FDFT1: variants seen among roughly 807,000 people sequenced by gnomAD.
The protein encoded by FDFT1 is farnesyl-diphosphate farnesyltransferase 1, also known as squalene synthase.
FDFT1 carries 68 observed loss-of-function variants against 46.8 expected under a neutral mutation model. The ratio of observed to expected loss-of-function variants is 1.45; its 90% confidence interval spans 1.19 to 1.78. FDFT1 has a LOEUF of 1.78. FDFT1 is among the 40% of genes most tolerant of loss of function. The probability of loss-of-function intolerance (pLI) is 0.00; values close to 1 mark genes in which losing one functional copy is unlikely to be tolerated. For missense variants in FDFT1, 928 were observed against 524.4 expected, an observed-to-expected ratio of 1.77 and a Z score of -7.52; for synonymous variants, 351 against 185.1, an observed-to-expected ratio of 1.90 and a Z score of -7.28.
chr8:11,835,286 A>C (rs538913822), intron 7 of FDFT1, among the ~76,000 whole-genome samples: 3 of 152,194 alleles, frequency 2.0e-5, no homozygotes, highest in Admixed American at 2.0e-4. Flanking sequence ...GCCTTCAGGT[A>C]AATGGAGAGT....
chr8:11,830,806 A>C (rs1211092577), intron 6 of FDFT1, among the ~76,000 whole-genome samples: 1 of 152,220 alleles, frequency 6.6e-6, no homozygotes, highest in Non-Finnish European at 1.5e-5. Flanking sequence ...TCCTTTTCCT[A>C]GACCCGGCAT....
chr8:11,818,339 T>A (rs530351399), intron 3 of FDFT1, among the ~76,000 whole-genome samples: 104 of 152,338 alleles, frequency 6.8e-4, no homozygotes, highest in African/African-American at 2.5e-3. Context: ...TATATTCTGT[T>A]GATTTGGGGT....
intron 2 of FDFT1, chr8:11,809,183 C>G: frequency 8.0e-7 from 1 of 1,247,126 alleles, no homozygotes. Context: ...TCGTGTATTT[C>G]TCGGCTTCCC....
Position 11,809,339 on chromosome 8 carries a change from C to A in FDFT1, c.198-328C>A, listed in dbSNP as rs764843805. ...AGAAGTTACTGTGTTTTTTGACTTT[C>A]TTTTCTATTTGCTACATATTAGTTC... is the stretch of plus-strand genomic sequence containing the variant. On this transcript the variant is annotated intron_variant, in intron 2 of 7. Coordinates refer to ENST00000220584, the MANE Select transcript of FDFT1 (RefSeq NM_004462.5). The A allele has an allele frequency of 1.8e-5, 20 of 1,099,126 alleles. No homozygotes were observed. In the African/African-American group the frequency reaches 2.3e-4, roughly 13 times the overall value. The allele number at this position is 1,099,126 out of a possible 1,614,324, so 68.1% of individuals were successfully genotyped here.
At position 11,815,114 on chromosome 8, in the gene FDFT1, T is replaced by C. The variant is rs145481194; in HGVS notation, c.381+5264T>C. 5.4e-3 allele frequency among the ~76,000 whole-genome samples: 816 copies of C among 152,170 alleles called. 5 individuals are homozygous for C. The highest frequency in any genetic ancestry group is 9.5e-3 in the South Asian group (46 of 4,818). On this transcript the variant is annotated intron_variant, in intron 3 of 7. Coordinates refer to ENST00000220584, the MANE Select transcript of FDFT1 (RefSeq NM_004462.5). Reference sequence around the variant, plus strand: ...ACTCCCACTTAGGAGTGAGAACATGTAGTGTTTGGTTTTCTGTCGTTGTGA... The same window carrying C: ...ACTCCCACTTAGGAGTGAGAACATGCAGTGTTTGGTTTTCTGTCGTTGTGA...
chr8:11,821,935 C>T (rs546761457), intron 4 of FDFT1, 57 bp downstream of exon 4: 10 of 1,582,292 alleles, frequency 6.3e-6, no homozygotes, highest in South Asian at 3.3e-5. Context: ...TGGCAGTCCT[C>T]ATAGTGAAGC....
At chr8:11,832,507 T>C (rs1654908703) in intron 7 of FDFT1, among the ~76,000 whole-genome samples, 1 of 134,424 alleles carries the variant, frequency 7.4e-6, no homozygotes, top group African/African-American at 2.7e-5. Context: ...CTGTGTGATT[T>C]CATCATTGCA....
At chr8:11,827,562 G>C (rs779623851) in intron 5 of FDFT1, among the ~76,000 whole-genome samples, 8 of 150,896 alleles carry the variant, frequency 5.3e-5, no homozygotes, top group Non-Finnish European at 1.2e-4. Context: ...GCAATTCATA[G>C]AGCAGATACA....
chr8:11,804,098 G>GT (rs1332126248), intron 1 of FDFT1, among the ~76,000 whole-genome samples: 1 of 152,252 alleles, frequency 6.6e-6, no homozygotes, highest in East Asian at 1.9e-4. Context: ...AGGTACAACA[G>GT]TGAACAAGCT....
At chr8:11,824,522 G>T (rs931605529) in intron 4 of FDFT1, among the ~76,000 whole-genome samples, 1 of 151,984 alleles carries the variant, frequency 6.6e-6, no homozygotes, top group African/African-American at 2.4e-5. Flanking sequence ...AACCTTCCTG[G>T]GTTCAAGCGA....
intron 3 of FDFT1, among the ~76,000 whole-genome samples, chr8:11,819,949 C>G (rs2409832): frequency 6.6e-6 from 1 of 151,890 alleles, no homozygotes; most frequent in African/African-American, 2.4e-5. Context: ...AATTTTCAGC[C>G]TTTCTGCTGT....
chr8:11,795,831 C>T (rs926392947), exon 1 of FDFT1: 2 of 152,684 alleles, frequency 1.3e-5, no homozygotes, highest in African/African-American at 2.4e-5. Context: ...GCCAGCGAGA[C>T]CACGAACCCA....
chr8:11,808,975 G>T (rs752703645), intron 2 of FDFT1, 84 bp downstream of exon 2: 10 of 1,543,970 alleles, frequency 6.5e-6, no homozygotes, highest in Non-Finnish European at 8.8e-6. Flanking sequence ...TTTTGATATA[G>T]CGCTCAGCGT....
intron 3 of FDFT1, among the ~76,000 whole-genome samples, chr8:11,810,400 C>G (rs1383916267): frequency 1.3e-5 from 2 of 152,318 alleles, no homozygotes; most frequent in East Asian, 3.9e-4. Context: ...GGGGCGGTGT[C>G]TGTTGGCAGC....
intron 1 of FDFT1, among the ~76,000 whole-genome samples, chr8:11,806,745 ATTCTGT>A (rs1806894330): frequency 6.6e-6 from 1 of 152,092 alleles, no homozygotes; most frequent in African/African-American, 2.4e-5. Flanking sequence ...CAGAGCGGGT[ATTCTGT>A]TTCTTTCACT....
At chr8:11,828,419 C>T (rs1810309168) in intron 5 of FDFT1, among the ~76,000 whole-genome samples, 1 of 152,236 alleles carries the variant, frequency 6.6e-6, no homozygotes, top group Admixed American at 6.5e-5. Context: ...CCCTCTTTTG[C>T]AGACACAGGG....
intron 1 of FDFT1, 157 bp downstream of exon 1, chr8:11,803,088 T>C (rs1382970699): frequency 6.9e-6 from 10 of 1,439,304 alleles, no homozygotes; most frequent in African/African-American, 1.4e-5. Flanking sequence ...CTTCCCCCTG[T>C]AGGGCCCGGG....
At chr8:11,800,293 G>A (rs68030963), upstream of FDFT1, among the ~76,000 whole-genome samples, 9,457 of 104,690 alleles carry the variant, frequency 0.09, 427 homozygotes, top group Middle Eastern at 0.14. Flanking sequence ...AAAAAAAAAA[G>A]GCGCTTGAAC....
At position 11,802,771 on chromosome 8, in the gene FDFT1, G is replaced by A. The variant is rs1394172841; in HGVS notation, c.-62G>A. The A allele has an allele frequency of 1.3e-5, 17 of 1,351,530 alleles. 1 individual carries two copies. Among genetic ancestry groups the A allele is most frequent in the African/African-American group, 2.9e-5 (2 of 69,110 alleles). The allele number at this position is 1,351,530 out of a possible 1,614,324, so 83.7% of individuals were successfully genotyped here. A position where few individuals can be genotyped will look rare whatever the true frequency, so the allele number is the denominator to read the frequency against. On this transcript the variant is annotated 5_prime_UTR_variant, in exon 1 of 8. Transcript: ENST00000220584. The stretch of plus-strand genomic sequence containing the variant: ...ACCTACTCCACAGGTCCAGCCGGCC[G>A]GTGAGCGCCTGGGGACCGCAGAGGT...
Sources: gnomAD v4.1 joint callset for allele counts (sites outside exome capture counted in the v4.1 genomes callset) on GRCh38, gnomAD v4.1.1 for gene constraint, MANE v1.5 for transcripts, NCBI Gene and HGNC (gene_info 2026-07-23, HGNC 2026-07-21) for gene names.